LONP2: variants seen among roughly 807,000 people sequenced by gnomAD.
The protein encoded by LONP2 is lon protease homolog 2, peroxisomal.
LONP2 carries 60 observed loss-of-function variants against 85.6 expected under a neutral mutation model. The observed-to-expected ratio is 0.70, with a 90% CI of 0.57 to 0.87. LONP2 has a LOEUF of 0.87. Among genes scored for constraint, LONP2 ranks in the 40% least tolerant of loss-of-function variants. LONP2 has a pLI of 0.00. For missense variants in LONP2, 860 were observed against 1,063.5 expected, an observed-to-expected ratio of 0.81 and a Z score of 2.66; for synonymous variants, 395 against 389.7, an observed-to-expected ratio of 1.01 and a Z score of -0.16.
At chr16:48,277,996 C>G (rs1972249783) in intron 8 of LONP2, among the ~76,000 whole-genome samples, 1 of 150,586 alleles carries the variant, frequency 6.6e-6, no homozygotes, top group South Asian at 2.1e-4. Context: ...CATTTTTATA[C>G]CTTAGATCTC....
At chr16:48,345,863 G>A (rs1959946710) in intron 12 of LONP2, 1 of 152,180 alleles carries the variant, frequency 6.6e-6, no homozygotes, top group Non-Finnish European at 1.5e-5. Context: ...TGGCCAACAT[G>A]GCGAAACACT....
Position 48,293,444 on chromosome 16 carries a change from A to AT in LONP2, c.1384-2564dup, listed in dbSNP as rs1355038356. 7.9e-5 allele frequency among the ~76,000 whole-genome samples: 12 copies of AT among 152,012 alleles called. 1 individual carries two copies. The highest frequency in any genetic ancestry group is 4.6e-4 in the Admixed American group (7 of 15,260). On this transcript the variant is annotated intron_variant, in intron 8 of 14. Transcript: ENST00000285737. The stretch of plus-strand genomic sequence containing the variant: ...CTGTCTCAAAAAAAAAAAAGAATAG[A>AT]TTTTTTTCCTTAGCTAGTGTTAAAA...
chr16:48,335,554 T>C (rs752662012), intron 12 of LONP2, among the ~76,000 whole-genome samples: 1 of 152,222 alleles, frequency 6.6e-6, no homozygotes, highest in Admixed American at 6.5e-5. Flanking sequence ...ATTATACTAC[T>C]GAATTTAGCT....
chr16:48,254,500 A>G (rs766470611), intron 2 of LONP2, among the ~76,000 whole-genome samples: 7 of 151,828 alleles, frequency 4.6e-5, no homozygotes, highest in Non-Finnish European at 7.4e-5. Flanking sequence ...AGTAGCTGGC[A>G]TTACAGGCAT....
intron 7 of LONP2, among the ~76,000 whole-genome samples, chr16:48,270,932 AG>A (rs1279477587): frequency 4.6e-5 from 7 of 152,124 alleles, no homozygotes; most frequent in African/African-American, 1.7e-4. Context: ...GTTTGAGACC[AG>A]CCGGGGCAAC....
chr16:48,338,873 A>G (rs1199157745), intron 12 of LONP2, among the ~76,000 whole-genome samples: 2 of 152,206 alleles, frequency 1.3e-5, no homozygotes, highest in African/African-American at 2.4e-5. Flanking sequence ...ACGCCACTGC[A>G]TTCCAGCCTG....
Position 48,350,258 on chromosome 16 carries a change from C to T in LONP2, c.2338-1323C>T, listed in dbSNP as rs145847543. On this transcript the variant is annotated intron_variant, in intron 14 of 14. Transcript: ENST00000285737. Reference sequence around the variant, plus strand: ...AAAAAATTATCCGGATGTGGTGGCGCATGCCTGTAATCCCAGCTACTCAGG... The same window carrying T: ...AAAAAATTATCCGGATGTGGTGGCGTATGCCTGTAATCCCAGCTACTCAGG... Among the ~76,000 whole-genome samples, 1,113 of 152,150 alleles carry T rather than the reference C, an allele frequency of 7.3e-3. 14 individuals are homozygous for T. Among genetic ancestry groups the T allele is most frequent in the African/African-American group, 0.025 (1,047 of 41,502 alleles).
chr16:48,302,197 T>G (rs1972820853), intron 10 of LONP2, among the ~76,000 whole-genome samples: 1 of 152,216 alleles, frequency 6.6e-6, no homozygotes, highest in African/African-American at 2.4e-5. Flanking sequence ...AAAGCCCAAA[T>G]GTAGAAGTTG....
chr16:48,267,590 G>A lies in LONP2; in HGVS notation c.983-2426G>A, dbSNP rs944751224. ...GCTGGGATTACAGACCTGAGCCACT[G>A]TGTCCAGCCTAAATATCTTTGTTTG... is the stretch of plus-strand genomic sequence containing the variant. On this transcript the variant is annotated intron_variant, in intron 6 of 14. Coordinates refer to ENST00000285737, the MANE Select transcript of LONP2 (RefSeq NM_031490.5). Among the ~76,000 whole-genome samples the A allele has an allele frequency of 1.2e-4, 18 of 151,870 alleles. No homozygotes were observed. The South Asian group carries it at 3.5e-3, about 30-fold the overall frequency.
chr16:48,300,962 G>C lies in LONP2; in HGVS notation c.1661+1174G>C, dbSNP rs140177517. Among the ~76,000 whole-genome samples the C allele has an allele frequency of 3.9e-5, 6 of 152,228 alleles. No homozygotes were observed. In the East Asian group the frequency reaches 1.2e-3, roughly 29 times the overall value. ...GAGTGATCATTATTTATATTTCCCA[G>C]TTGTTACCTAGAGAACTGTTTCTTT... On this transcript the variant is annotated intron_variant, in intron 10 of 14. Coordinates refer to ENST00000285737, the MANE Select transcript of LONP2 (RefSeq NM_031490.5).
At chr16:48,335,129 A>G (rs1364837073) in intron 12 of LONP2, among the ~76,000 whole-genome samples, 1 of 152,184 alleles carries the variant, frequency 6.6e-6, no homozygotes, top group Non-Finnish European at 1.5e-5. Flanking sequence ...TTTAAGGACA[A>G]TGCCTCTGAC....
intron 11 of LONP2, among the ~76,000 whole-genome samples, chr16:48,321,433 A>T (rs933169055): frequency 6.6e-6 from 1 of 152,140 alleles, no homozygotes; most frequent in Non-Finnish European, 1.5e-5. Context: ...ATGGATTCCT[A>T]TGTTTTGGGC....
chr16:48,256,856 G>T, intron 3 of LONP2, 115 bp downstream of exon 3: 1 of 930,612 alleles, frequency 1.1e-6, no homozygotes, highest in Non-Finnish European at 1.6e-6. Flanking sequence ...CAAAGTAATT[G>T]AAATGCTTTT....
At chr16:48,315,114 A>T (rs1241416781) in intron 11 of LONP2, among the ~76,000 whole-genome samples, 1 of 152,238 alleles carries the variant, frequency 6.6e-6, no homozygotes, top group Admixed American at 6.5e-5. Flanking sequence ...TTTGCTTTGT[A>T]GCTTTAGGTC....
At chr16:48,317,426 A>G (rs1344880618) in intron 11 of LONP2, among the ~76,000 whole-genome samples, 2 of 152,204 alleles carry the variant, frequency 1.3e-5, no homozygotes, top group African/African-American at 4.8e-5. Flanking sequence ...TTATGGTGAT[A>G]CTCAATTCTA....
Position 48,353,228 on chromosome 16 carries a change from G to A in LONP2, c.*1426G>A, listed in dbSNP as rs1960205275. ...CCTGGATGAGAAGGAAGTCTGGGCT[G>A]GGCATGGTGGCTCACGCCTGTAACC... is the stretch of plus-strand genomic sequence containing the variant. On this transcript the variant is annotated 3_prime_UTR_variant, in exon 15 of 15. Coordinates refer to ENST00000285737, the MANE Select transcript of LONP2 (RefSeq NM_031490.5). 6.6e-6 allele frequency: 1 copy of A among 152,150 alleles called. No individual in the cohort carries two copies. Among genetic ancestry groups the A allele is most frequent in the South Asian group, 2.1e-4 (1 of 4,830 alleles). 9.4% of individuals were successfully genotyped at this position (152,150 alleles called of 1,614,324 possible).
intron 7 of LONP2, among the ~76,000 whole-genome samples, chr16:48,274,103 T>C (rs1178376343): frequency 3.3e-5 from 5 of 152,228 alleles, no homozygotes; most frequent in Non-Finnish European, 7.3e-5. Flanking sequence ...AACTTACATT[T>C]GCATGTAGCT....
At chr16:48,313,703 C>A (rs1481810930) in intron 11 of LONP2, among the ~76,000 whole-genome samples, 1 of 152,136 alleles carries the variant, frequency 6.6e-6, no homozygotes, top group Non-Finnish European at 1.5e-5. Flanking sequence ...GTACATGTAC[C>A]ACATTTTCTT....
intron 11 of LONP2, among the ~76,000 whole-genome samples, chr16:48,315,269 CAT>C (rs1418306715): frequency 6.6e-6 from 1 of 152,188 alleles, no homozygotes; most frequent in Middle Eastern, 3.2e-3. Context: ...GTCAGACAAT[CAT>C]GTGGTGAAGT....
Sources: allele counts gnomAD v4.1 joint callset (sites outside exome capture counted in the v4.1 genomes callset), GRCh38; gene constraint gnomAD v4.1.1; transcripts MANE v1.5; gene names NCBI Gene and HGNC (gene_info 2026-07-23, HGNC 2026-07-21).